The following DAB1 variants were observed in gnomAD, a reference collection of about 807,000 sequenced individuals.
DAB1 encodes DAB adaptor protein 1.
DAB1 carries 15 observed loss-of-function variants against 64.6 expected under a neutral mutation model. The ratio of observed to expected loss-of-function variants is 0.23; its 90% CI spans 0.16 to 0.36. DAB1 has a LOEUF of 0.36. DAB1 is among the 10% of genes least tolerant of loss of function. DAB1 has a pLI of 1.00. For missense variants in DAB1, 596 were observed against 706.7 expected, an observed-to-expected ratio of 0.84 and a Z score of 1.78; for synonymous variants, 235 against 251.9, an observed-to-expected ratio of 0.93 and a Z score of 0.64.
At chr1:57,810,196 T>C (rs1334213018) in intron 6 of DAB1, among the ~76,000 whole-genome samples, 1 of 152,154 alleles carries the variant, frequency 6.6e-6, no homozygotes, top group South Asian at 2.1e-4. Flanking sequence ...GGGATTTTTC[T>C]AACACATCAT....
intron 4 of DAB1, among the ~76,000 whole-genome samples, chr1:58,189,850 C>T (rs1331152308): frequency 6.6e-6 from 1 of 152,232 alleles, no homozygotes; most frequent in Non-Finnish European, 1.5e-5. Flanking sequence ...CATCCTGAGG[C>T]ACAGGGGTCC....
intron 1 of DAB1, chr1:58,530,842 A>C: frequency 1.6e-6 from 1 of 636,374 alleles, no homozygotes; most frequent in South Asian, 2.0e-5. Flanking sequence ...CCTAAGACTG[A>C]GAGTTCTCTT....
At chr1:57,830,359 T>C (rs568994862) in intron 1 of DAB1, among the ~76,000 whole-genome samples, 1 of 152,322 alleles carries the variant, frequency 6.6e-6, no homozygotes, top group African/African-American at 2.4e-5. Context: ...GCAGTAATAC[T>C]ATGAGGTAGG....
chr1:57,742,323 T>C (rs1356974416), intron 6 of DAB1, among the ~76,000 whole-genome samples: 1 of 152,146 alleles, frequency 6.6e-6, no homozygotes, highest in Non-Finnish European at 1.5e-5. Flanking sequence ...TTTCATGGTG[T>C]TTCAAAAACA....
intron 4 of DAB1, among the ~76,000 whole-genome samples, chr1:58,336,081 G>T (rs1380602174): frequency 1.3e-5 from 2 of 152,164 alleles, no homozygotes; most frequent in African/African-American, 4.8e-5. Flanking sequence ...GAGATCCAAG[G>T]TTCACCCCAT....
At chr1:57,696,218 A>G (rs891924126) in intron 6 of DAB1, among the ~76,000 whole-genome samples, 3 of 152,108 alleles carry the variant, frequency 2.0e-5, no homozygotes, top group Admixed American at 6.5e-5. Flanking sequence ...TTGAATCCCC[A>G]TATCTAGCCC....
rs116752463 is a variant in DAB1 at position 57,141,746 on chromosome 1, G to A, written c.207+3544C>T. Among the ~76,000 whole-genome samples, 723 of 152,182 alleles carry A rather than the reference G, an allele frequency of 4.8e-3. 7 individuals are homozygous for A. The highest frequency in any genetic ancestry group is 0.017 in the African/African-American group (689 of 41,512). On this transcript the variant is annotated intron_variant, in intron 3 of 14. Transcript: ENST00000371236. ...CTTCAATCACCACCATTTTGCCACC[G>A]TCTCCGAAAGCTGACTACTTTAGAA...
chr1:58,545,381 G>A (rs1043102352), intron 1 of DAB1, among the ~76,000 whole-genome samples: 1 of 152,078 alleles, frequency 6.6e-6, no homozygotes, highest in South Asian at 2.1e-4. Flanking sequence ...ACCAAGTGTC[G>A]TTTTGAATAG....
chr1:58,433,594 A>AGT lies in DAB1; in HGVS notation n.257+72465_257+72466insAC, dbSNP rs1473928894. Among the ~76,000 whole-genome samples the AGT allele has an allele frequency of 2.1e-3, 196 of 91,408 alleles. 1 individual carries two copies. Among genetic ancestry groups the AGT allele is most frequent in the Non-Finnish European group, 3.2e-3 (153 of 47,722 alleles). The allele number at this position is 91,408 out of a possible 152,430, so 60.0% of individuals were successfully genotyped here. Reference sequence around the variant, plus strand: ...GAGAGAGAGAGAGAGAGAGAGAGAGAGAGTGTGTGTGTGTGTGTGTGTGTG... The same window carrying AGT: ...GAGAGAGAGAGAGAGAGAGAGAGAGAGTGAGTGTGTGTGTGTGTGTGTGTGTG... On this transcript the variant is annotated intron_variant and non_coding_transcript_variant, in intron 3 of 20. Transcript: ENST00000485760.
In DAB1 at chr1:57,113,700, C is replaced by A. The variant is rs138170701; in HGVS notation, c.306+22843G>T. On this transcript the variant is annotated intron_variant, in intron 4 of 14. Transcript: ENST00000371236. ...AAAAATGTACGCTTGCAATCAAAAACCGGTGGTATGCTAGATTTGGCCTAT... is the reference window on the plus strand; with the variant it reads ...AAAAATGTACGCTTGCAATCAAAAAACGGTGGTATGCTAGATTTGGCCTAT... 2.6e-4 allele frequency among the ~76,000 whole-genome samples: 40 copies of A among 152,200 alleles called. No homozygotes were observed. In the East Asian group the frequency reaches 5.4e-3, roughly 21 times the overall value.
intron 2 of DAB1, among the ~76,000 whole-genome samples, chr1:57,180,195 G>A (rs1662766784): frequency 6.6e-6 from 1 of 152,084 alleles, no homozygotes; most frequent in South Asian, 2.1e-4. Flanking sequence ...GGAGAAGGGG[G>A]GATCCTCACT....
intron 2 of DAB1, among the ~76,000 whole-genome samples, chr1:57,267,529 T>C (rs890120305): frequency 6.6e-6 from 1 of 152,210 alleles, no homozygotes; most frequent in Non-Finnish European, 1.5e-5. Context: ...GTCTGTGGTA[T>C]CATAATCCCT....
intron 4 of DAB1, among the ~76,000 whole-genome samples, chr1:58,233,532 G>C (rs1026349407): frequency 6.6e-6 from 1 of 152,054 alleles, no homozygotes; most frequent in Non-Finnish European, 1.5e-5. Context: ...CTGTTACCAG[G>C]GTCTGCCCTT....
At chr1:58,044,906 A>G (rs1647205887) in intron 5 of DAB1, among the ~76,000 whole-genome samples, 1 of 152,206 alleles carries the variant, frequency 6.6e-6, no homozygotes, top group East Asian at 1.9e-4. Context: ...ATTCCTCATG[A>G]CATGTGAGAA....
chr1:57,180,441 T>C (rs530328708), intron 2 of DAB1, among the ~76,000 whole-genome samples: 2 of 152,312 alleles, frequency 1.3e-5, no homozygotes, highest in African/African-American at 4.8e-5. Context: ...CCCAGGACTT[T>C]TTGCTTTTCT....
At chr1:58,163,199 GAT>G (rs1271073504) in intron 4 of DAB1, among the ~76,000 whole-genome samples, 1 of 152,204 alleles carries the variant, frequency 6.6e-6, no homozygotes, top group Admixed American at 6.5e-5. Context: ...AGTGGACAAA[GAT>G]AAAAATTTCA....
intron 2 of DAB1, among the ~76,000 whole-genome samples, chr1:57,267,148 C>T (rs1015373332): frequency 1.3e-5 from 2 of 151,988 alleles, no homozygotes; most frequent in Middle Eastern, 6.8e-3. Context: ...TAAGTGTTCT[C>T]ATAAGAGACA....
At chr1:58,467,335 G>T (rs144378583) in intron 3 of DAB1, among the ~76,000 whole-genome samples, 111 of 152,344 alleles carry the variant, frequency 7.3e-4, no homozygotes, top group African/African-American at 2.6e-3. Context: ...AACAAAAGCA[G>T]AACGTCTGCT....
At chr1:58,258,909 C>G (rs1660991489) in intron 4 of DAB1, among the ~76,000 whole-genome samples, 1 of 152,130 alleles carries the variant, frequency 6.6e-6, no homozygotes. Context: ...GCTCTGAGTT[C>G]AATTCCTGCC....
Sources: allele counts gnomAD v4.1 joint callset (sites outside exome capture counted in the v4.1 genomes callset), GRCh38; gene constraint gnomAD v4.1.1; transcripts MANE v1.5; gene names NCBI Gene and HGNC (gene_info 2026-07-23, HGNC 2026-07-21).